MAGI1: variants seen among roughly 807,000 people sequenced by gnomAD.
The protein encoded by MAGI1 is membrane-associated guanylate kinase, WW and PDZ domain-containing protein 1.
Under a neutral mutation model 139.9 loss-of-function variants are expected in MAGI1, and 58 were observed. That is an observed-to-expected ratio of 0.41 (90% CI 0.34 to 0.52). The LOEUF (loss-of-function observed/expected upper bound fraction) is 0.52, where lower values mean the gene tolerates loss of function less well. Ranked by LOEUF, MAGI1 falls within the 20% of genes least tolerant of loss-of-function variation. MAGI1 has a pLI of 0.12. For missense variants in MAGI1, 1,874 were observed against 1,901.6 expected, an observed-to-expected ratio of 0.99 and a Z score of 0.27; for synonymous variants, 812 against 737.9, an observed-to-expected ratio of 1.10 and a Z score of -1.63.
intron 1 of MAGI1, among the ~76,000 whole-genome samples, chr3:65,660,997 A>G (rs1412527014): frequency 6.6e-6 from 1 of 152,224 alleles, no homozygotes; most frequent in East Asian, 1.9e-4. Flanking sequence ...ACACCCCAGG[A>G]TTCCAAGATG....
chr3:65,792,912 A>G (rs989683998), intron 1 of MAGI1, among the ~76,000 whole-genome samples: 12 of 151,978 alleles, frequency 7.9e-5, no homozygotes, highest in Non-Finnish European at 1.2e-4. Flanking sequence ...ATAAATCACA[A>G]CCTCCAAGGT....
Position 66,010,285 on chromosome 3 carries a change from G to A in MAGI1, c.313+27711C>T, listed in dbSNP as rs554797350. Among the ~76,000 whole-genome samples the A allele has an allele frequency of 1.5e-3, 221 of 152,242 alleles. 1 individual carries two copies. Among genetic ancestry groups the A allele is most frequent in the African/African-American group, 5.1e-3 (211 of 41,542 alleles). ...ATACAGAAAGTAAGGAGCCTGCTCAGGTACTGAGTGTGAGTCTCTGTTCTG... is the reference window on the plus strand; with the variant it reads ...ATACAGAAAGTAAGGAGCCTGCTCAAGTACTGAGTGTGAGTCTCTGTTCTG... On this transcript the variant is annotated intron_variant, in intron 1 of 22. Transcript: ENST00000402939.
At chr3:65,610,804 GGTA>G (rs1363815924) in intron 2 of MAGI1, among the ~76,000 whole-genome samples, 5 of 85,240 alleles carry the variant, frequency 5.9e-5, no homozygotes, top group South Asian at 6.4e-4. Flanking sequence ...AGTATATATA[GGTA>G]TATATAGTAT....
At chr3:65,854,626 A>G (rs2059312655) in intron 1 of MAGI1, among the ~76,000 whole-genome samples, 1 of 152,260 alleles carries the variant, frequency 6.6e-6, no homozygotes. Context: ...ATACTACTCA[A>G]GGAAGTTTTG....
chr3:65,427,946 C>T (rs1437544390), intron 12 of MAGI1, among the ~76,000 whole-genome samples: 3 of 152,152 alleles, frequency 2.0e-5, no homozygotes, highest in East Asian at 3.9e-4. Context: ...GATCTAGGTA[C>T]AAGAAGAGAC....
intron 5 of MAGI1, 160 bp downstream of exon 5, chr3:65,470,123 T>C: frequency 1.7e-6 from 1 of 577,300 alleles, no homozygotes; most frequent in South Asian, 2.3e-5. Flanking sequence ...TGGTAATAAT[T>C]AATTACCTTT....
chr3:65,947,359 TA>T (rs1260321268), intron 1 of MAGI1, among the ~76,000 whole-genome samples: 7 of 152,188 alleles, frequency 4.6e-5, no homozygotes, highest in Non-Finnish European at 1.0e-4. Flanking sequence ...AAATATCTCC[TA>T]AATATATTTA....
chr3:65,972,636 A>T (rs1251756777), intron 1 of MAGI1, among the ~76,000 whole-genome samples: 1 of 152,158 alleles, frequency 6.6e-6, no homozygotes, highest in Non-Finnish European at 1.5e-5. Context: ...TCCCCCCTGA[A>T]GGGCTAGGAC....
intron 2 of MAGI1, among the ~76,000 whole-genome samples, chr3:65,583,425 CAG>C (rs2081531962): frequency 6.6e-6 from 1 of 152,186 alleles, no homozygotes; most frequent in Non-Finnish European, 1.5e-5. Flanking sequence ...CCCTGTCTCT[CAG>C]AGTCACAAAT....
At chr3:65,495,318 T>C (rs1040688549) in intron 2 of MAGI1, among the ~76,000 whole-genome samples, 26 of 152,330 alleles carry the variant, frequency 1.7e-4, no homozygotes, top group African/African-American at 6.3e-4. Flanking sequence ...TAATCCTTTT[T>C]GAGGGCTTTG....
At chr3:65,841,914 C>A (rs1289698731) in intron 1 of MAGI1, among the ~76,000 whole-genome samples, 1 of 152,114 alleles carries the variant, frequency 6.6e-6, no homozygotes. Flanking sequence ...ATGCCTAAGG[C>A]GCAACTGGGG....
intron 1 of MAGI1, among the ~76,000 whole-genome samples, chr3:65,857,828 G>A (rs760731656): frequency 6.6e-6 from 1 of 152,164 alleles, no homozygotes; most frequent in Non-Finnish European, 1.5e-5. Flanking sequence ...TGGGGACACA[G>A]TGAAAACATC....
At chr3:65,385,018 T>C (rs1229256709) in intron 14 of MAGI1, among the ~76,000 whole-genome samples, 1 of 152,186 alleles carries the variant, frequency 6.6e-6, no homozygotes. Context: ...TCTATGTTAA[T>C]GAATCATATA....
chr3:65,817,091 T>C (rs909301967), intron 1 of MAGI1, among the ~76,000 whole-genome samples: 1 of 152,314 alleles, frequency 6.6e-6, no homozygotes, highest in Non-Finnish European at 1.5e-5. Context: ...TCAATAAAAA[T>C]TTGTTTCCTA....
intron 1 of MAGI1, among the ~76,000 whole-genome samples, chr3:66,027,654 A>G (rs1406637930): frequency 1.3e-5 from 2 of 152,250 alleles, no homozygotes; most frequent in African/African-American, 2.4e-5. Context: ...ACCTGGGTTT[A>G]AGTGATGTAT....
chr3:65,665,147 C>T (rs1241647671), intron 1 of MAGI1, among the ~76,000 whole-genome samples: 1 of 152,206 alleles, frequency 6.6e-6, no homozygotes, highest in Non-Finnish European at 1.5e-5. Flanking sequence ...CTGTCACACT[C>T]AGCAAATTTC....
intron 1 of MAGI1, among the ~76,000 whole-genome samples, chr3:65,900,494 T>TCC (rs1164006778): frequency 6.6e-6 from 1 of 152,214 alleles, no homozygotes; most frequent in South Asian, 2.1e-4. Flanking sequence ...GTTCACTTAA[T>TCC]CATAATATAC....
intron 1 of MAGI1, among the ~76,000 whole-genome samples, chr3:65,789,191 A>G (rs955253197): frequency 1.3e-5 from 2 of 152,136 alleles, no homozygotes; most frequent in African/African-American, 4.8e-5. Flanking sequence ...AAAAAATAAC[A>G]AACAAATGAT....
intron 3 of MAGI1, among the ~76,000 whole-genome samples, chr3:65,482,740 T>C (rs1370685753): frequency 6.6e-6 from 1 of 152,232 alleles, no homozygotes; most frequent in African/African-American, 2.4e-5. Context: ...TGTTCAAACT[T>C]TCATACGCCA....
Sources: gnomAD v4.1 joint callset for allele counts (sites outside exome capture counted in the v4.1 genomes callset) on GRCh38, gnomAD v4.1.1 for gene constraint, MANE v1.5 for transcripts, NCBI Gene and HGNC (gene_info 2026-07-23, HGNC 2026-07-21) for gene names.